Variants in SLC7A5 observed in about 807,000 individuals in gnomAD.
SLC7A5 encodes large neutral amino acids transporter small subunit 1.
Under a neutral mutation model 50.2 loss-of-function variants are expected in SLC7A5, and 23 were observed. That is an observed-to-expected ratio of 0.46 (90% CI 0.33 to 0.65). The LOEUF (loss-of-function observed/expected upper bound fraction) is 0.65. Ranked by LOEUF, SLC7A5 falls within the 30% of genes least tolerant of loss-of-function variation. The pLI, the probability that SLC7A5 is intolerant of heterozygous loss-of-function variation, is 0.02. For synonymous variants in SLC7A5, 393 were observed against 330.6 expected, an observed-to-expected ratio of 1.19 and a Z score of -2.05; for missense variants, 578 against 684.4, an observed-to-expected ratio of 0.84 and a Z score of 1.73.
chr16:87,859,145 A>G (rs2055356888), intron 1 of SLC7A5, among the ~76,000 whole-genome samples: 1 of 152,212 alleles, frequency 6.6e-6, no homozygotes, highest in African/African-American at 2.4e-5. Context: ...CCAGCTCTGA[A>G]GCAAACGACC....
chr16:87,841,738 G>A lies in SLC7A5; in HGVS notation c.665-583C>T, dbSNP rs899630276. Among the ~76,000 whole-genome samples the A allele has an allele frequency of 6.6e-6, 1 of 152,220 alleles. No homozygotes were observed. The highest frequency in any genetic ancestry group is 2.4e-5 in the African/African-American group (1 of 41,452). On this transcript the variant is annotated intron_variant, in intron 2 of 9. Coordinates refer to ENST00000261622, the MANE Select transcript of SLC7A5 (RefSeq NM_003486.7). This position sits in a 1 kb window ranked among gnomAD's most constrained non-coding sequence, Gnocchi z 4.8. ...GGCAGGGGCAGGAGCAGGGCTGCCA[G>A]GGCCGAGAACGATCCCCGTGCTGTG...
chr16:87,868,115 CAAA>C (rs11372656), intron 1 of SLC7A5, among the ~76,000 whole-genome samples: 3 of 80,362 alleles, frequency 3.7e-5, no homozygotes, highest in Non-Finnish European at 4.8e-5. Context: ...GACTCAGTGT[CAAA>C]AAAAAAAAAA....
rs2054962685 is a variant in SLC7A5, at chr16:87,833,846, TC to T, written c.1468+567del. On this transcript the variant is annotated intron_variant, in intron 9 of 9. Coordinates refer to ENST00000261622, the MANE Select transcript of SLC7A5 (RefSeq NM_003486.7). The surrounding 1 kb of genome is among the most constrained non-coding windows in gnomAD (Gnocchi z 6.0). ...TGCACACAGGGCCGGGGGGCGGGTT[TC>T]TCCTTCTGCCTTTTTTTTTTTTTTT... 6.9e-6 allele frequency among the ~76,000 whole-genome samples: 1 copy of T among 144,964 alleles called. No homozygotes were observed. Among genetic ancestry groups the T allele is most frequent in the Non-Finnish European group, 1.5e-5 (1 of 67,276 alleles).
chr16:87,844,666 T>C (rs1363631333), intron 2 of SLC7A5, among the ~76,000 whole-genome samples: 1 of 152,098 alleles, frequency 6.6e-6, no homozygotes, highest in Non-Finnish European at 1.5e-5. Flanking sequence ...AACATGGGAA[T>C]GTGGAGATGG....
At chr16:87,859,237 CCTT>C (rs1457860005) in intron 1 of SLC7A5, among the ~76,000 whole-genome samples, 8 of 152,204 alleles carry the variant, frequency 5.3e-5, no homozygotes, top group Admixed American at 1.3e-4. Context: ...CCTGCTCAGG[CCTT>C]CTGCAGAGGC....
rs1400747803 is a variant in SLC7A5 at position 87,861,916 on chromosome 16, A to G, written c.538+6969T>C. Among the ~76,000 whole-genome samples, 5 of 152,322 alleles carry G rather than the reference A, an allele frequency of 3.3e-5. No homozygotes were observed. The East Asian group carries it at 5.8e-4, about 18-fold the overall frequency. On this transcript the variant is annotated intron_variant, in intron 1 of 9. Transcript: ENST00000261622. This position sits in a 1 kb window ranked among gnomAD's most constrained non-coding sequence, Gnocchi z 4.2. ...CGGCACTTTCATGTGCGGCTGGGAAAGTCAGATTTCAGCACTAATCACTGG... is the reference window on the plus strand; with the variant it reads ...CGGCACTTTCATGTGCGGCTGGGAAGGTCAGATTTCAGCACTAATCACTGG...
intron 2 of SLC7A5, among the ~76,000 whole-genome samples, chr16:87,842,348 T>TG (rs1416028429): frequency 6.6e-6 from 1 of 152,108 alleles, no homozygotes; most frequent in African/African-American, 2.4e-5. Flanking sequence ...CAGGTCACCA[T>TG]GGGGGCCCAA....
chr16:87,835,489 C>T (rs62058260), intron 8 of SLC7A5, among the ~76,000 whole-genome samples: 1 of 152,334 alleles, frequency 6.6e-6, no homozygotes, highest in East Asian at 1.9e-4. Flanking sequence ...TTTAAAGCCC[C>T]TGTTTTTTTT....
intron 1 of SLC7A5, among the ~76,000 whole-genome samples, chr16:87,868,366 C>T (rs1264964435): frequency 2.0e-5 from 3 of 152,132 alleles, no homozygotes; most frequent in African/African-American, 7.2e-5. Flanking sequence ...CCAGTCACTA[C>T]CCGCACACGA....
Position 87,832,836 on chromosome 16 carries a change from A to C in SLC7A5, c.*134T>G, listed in dbSNP as rs2054949624. On this transcript the variant is annotated 3_prime_UTR_variant, in exon 10 of 10. Transcript: ENST00000261622. This position sits in a 1 kb window ranked among gnomAD's most constrained non-coding sequence, Gnocchi z 4.6. ...TTTTCACAGCAGCCTCCACTGCCCG[A>C]CCTGGGAGGGACGGCGAGGGACTGG... is the stretch of plus-strand genomic sequence containing the variant. 1 of 770,954 alleles carries C rather than the reference A, an allele frequency of 1.3e-6. No homozygotes were observed. Among genetic ancestry groups the C allele is most frequent in the Non-Finnish European group, 2.3e-6 (1 of 428,268 alleles). The allele number at this position is 770,954 out of a possible 1,614,324, so 47.8% of individuals were successfully genotyped here. A position where few individuals can be genotyped will look rare whatever the true frequency, so the allele number is the denominator to read the frequency against.
intron 1 of SLC7A5, among the ~76,000 whole-genome samples, chr16:87,858,607 C>A (rs1310850701): frequency 6.6e-6 from 1 of 152,144 alleles, no homozygotes; most frequent in East Asian, 1.9e-4. Context: ...GTGAAAGTCA[C>A]ACAGCAGTTC....
chr16:87,869,310 G>A lies in SLC7A5; in HGVS notation c.113C>T (p.Ala38Val). Residue 38 changes from alanine (A) to valine (V), a missense_variant, in exon 1 of 10, where the codon GCA (alanine) becomes GTA (valine). This residue lies in a region of SLC7A5 where 113 missense variants were observed against 89.8 expected (regional missense o/e 1.26). Coordinates refer to ENST00000261622, the MANE Select transcript of SLC7A5 (RefSeq NM_003486.7). ...CAGGGTCACGCCCTCGCCCTCGCCT[G>A]CCGGCGCCGAGCCGTCCGCGCTCTT... is the stretch of plus-strand genomic sequence containing the variant. ...AAKSADGSAP[A>V]GEGEGVTLQR... 2 of 1,611,182 alleles carry A rather than the reference G, an allele frequency of 1.2e-6. No homozygotes were observed. The highest frequency in any genetic ancestry group is 1.1e-5 in the South Asian group (1 of 90,990).
In SLC7A5 at chr16:87,838,767, G is replaced by A. The variant is rs777967482; in HGVS notation, c.990C>T (p.Phe330=). 29 of 1,613,950 alleles carry A rather than the reference G, an allele frequency of 1.8e-5. No individual in the cohort carries two copies. Among genetic ancestry groups the A allele is most frequent in the Middle Eastern group, 1.6e-4 (1 of 6,084 alleles). ...CGGAGCCGAAGCAGGACAGGCCCAC[G>A]AAGACGGGGATGATCCAGGACATGA... ...LGVMSWIIPV[F]VGLSCFGSVN... is the part of the protein sequence containing the mutation. The change falls in exon 6 of 10, where the codon TTC becomes TTT. Residue 330 remains phenylalanine, a synonymous_variant. Coordinates refer to ENST00000261622, the MANE Select transcript of SLC7A5 (RefSeq NM_003486.7).
In SLC7A5 at chr16:87,852,787, G is replaced by A. The variant is rs994254032; in HGVS notation, c.539-938C>T. On this transcript the variant is annotated intron_variant, in intron 1 of 9. Coordinates refer to ENST00000261622, the MANE Select transcript of SLC7A5 (RefSeq NM_003486.7). This position sits in a 1 kb window ranked among gnomAD's most constrained non-coding sequence, Gnocchi z 4.5. ...TTCTGTTGCAATATGTGCGCACGCT[G>A]AGCCACTATTCAGGGATCTGTGAGC... is the stretch of plus-strand genomic sequence containing the variant. Among the ~76,000 whole-genome samples, 2 of 151,922 alleles carry A rather than the reference G, an allele frequency of 1.3e-5. No individual in the cohort carries two copies. The highest frequency in any genetic ancestry group is 2.9e-5 in the Non-Finnish European group (2 of 67,962).
intron 1 of SLC7A5, among the ~76,000 whole-genome samples, chr16:87,867,703 G>A (rs8056637): frequency 6.6e-6 from 1 of 151,938 alleles, no homozygotes; most frequent in African/African-American, 2.4e-5. Context: ...CTATTGAGAT[G>A]CAGGCCGATC....
chr16:87,841,013 TC>T lies in SLC7A5; in HGVS notation c.770+36del. 7.0e-7 allele frequency: 1 copy of T among 1,438,460 alleles called. No homozygotes were observed. The highest frequency in any genetic ancestry group is 9.8e-7 in the Non-Finnish European group (1 of 1,021,120). The allele number at this position is 1,438,460 out of a possible 1,614,324, so 89.1% of individuals were successfully genotyped here. On this transcript the variant is annotated intron_variant, in intron 3 of 9. Transcript: ENST00000261622. The surrounding 1 kb of genome is among the most constrained non-coding windows in gnomAD (Gnocchi z 4.8). Reference sequence around the variant, plus strand: ...TCCTGGACACGTCAGGGACTGTATGTCCCCAGACCAAGGGACCCAGACATTC... The same window carrying T: ...TCCTGGACACGTCAGGGACTGTATGTCCCAGACCAAGGGACCCAGACATTC...
rs1290350460 is a variant in SLC7A5, at chr16:87,853,776, C to T, written c.539-1927G>A. ...TCGCTCATTCATGCCCGGAGGGAGG[C>T]GGGGAGTGGGTGTGGCCAAGCCGCA... On this transcript the variant is annotated intron_variant, in intron 1 of 9. Coordinates refer to ENST00000261622, the MANE Select transcript of SLC7A5 (RefSeq NM_003486.7). The surrounding 1 kb of genome is among the most constrained non-coding windows in gnomAD (Gnocchi z 4.4). 1.3e-5 allele frequency: 2 copies of T among 152,140 alleles called. No individual in the cohort carries two copies. Among genetic ancestry groups the T allele is most frequent in the Non-Finnish European group, 2.9e-5 (2 of 68,026 alleles). 9.4% of individuals were successfully genotyped at this position (152,140 alleles called of 1,614,324 possible). A position where few individuals can be genotyped will look rare whatever the true frequency, so the allele number is the denominator to read the frequency against.
intron 8 of SLC7A5, among the ~76,000 whole-genome samples, chr16:87,835,814 C>T (rs2143710948): frequency 6.6e-6 from 1 of 152,330 alleles, no homozygotes; most frequent in South Asian, 2.1e-4. Flanking sequence ...CCCCGGGGCC[C>T]CCAGGCTTCG....
chr16:87,841,624 T>G lies in SLC7A5; in HGVS notation c.665-469A>C, dbSNP rs1457576765. ...GGGGTGCGAGGAGCTCGGAACAGAC[T>G]GCCCTCCCTCCAGGGCTGGCAGGAC... On this transcript the variant is annotated intron_variant, in intron 2 of 9. Transcript: ENST00000261622. The surrounding 1 kb of genome is among the most constrained non-coding windows in gnomAD (Gnocchi z 4.8). Among the ~76,000 whole-genome samples, 1 of 152,196 alleles carries G rather than the reference T, an allele frequency of 6.6e-6. No individual in the cohort carries two copies. The highest frequency in any genetic ancestry group is 1.5e-5 in the Non-Finnish European group (1 of 68,020).
Sources: allele counts gnomAD v4.1 joint callset (sites outside exome capture counted in the v4.1 genomes callset), GRCh38; gene constraint gnomAD v4.1.1; regional missense constraint gnomAD v4.1.1; non-coding constraint Gnocchi (gnomAD v3.1); transcripts MANE v1.5; gene names NCBI Gene and HGNC (gene_info 2026-07-23, HGNC 2026-07-21).